Variants in MGAT5 observed in about 807,000 individuals in gnomAD.
MGAT5 encodes alpha-1,6-mannosylglycoprotein 6-beta-N-acetylglucosaminyltransferase A.
Under a neutral mutation model 94.3 loss-of-function variants are expected in MGAT5, and 30 were observed. The ratio of observed to expected loss-of-function variants is 0.32; its 90% CI spans 0.24 to 0.43. The LOEUF (loss-of-function observed/expected upper bound fraction) is 0.43, where lower values mean the gene tolerates loss of function less well. Ranked by LOEUF, MGAT5 falls within the 20% of genes least tolerant of loss-of-function variation. The pLI, the probability that MGAT5 is intolerant of heterozygous loss-of-function variation, is 1.00. For synonymous variants in MGAT5, 310 were observed against 322.9 expected, an observed-to-expected ratio of 0.96 and a Z score of 0.43; for missense variants, 691 against 905.5, an observed-to-expected ratio of 0.76 and a Z score of 3.04.
intron 10 of MGAT5, among the ~76,000 whole-genome samples, chr2:134,402,253 C>T (rs554879420): frequency 2.0e-5 from 3 of 152,310 alleles, no homozygotes; most frequent in South Asian, 2.1e-4. Context: ...ATTTAGAAAA[C>T]GTGCCTCAAA....
intron 4 of MGAT5, among the ~76,000 whole-genome samples, chr2:134,333,287 A>C (rs1226890394): frequency 2.0e-5 from 3 of 151,946 alleles, no homozygotes; most frequent in Admixed American, 6.6e-5. Flanking sequence ...CTTTGTAGGG[A>C]CATGGATGAA....
chr2:134,263,885 C>T (rs568221373), intron 1 of MGAT5, among the ~76,000 whole-genome samples: 17 of 151,180 alleles, frequency 1.1e-4, no homozygotes, highest in Non-Finnish European at 2.4e-4. Context: ...GCAGATCTTA[C>T]CAGATAAAAT....
At chr2:134,379,881 C>A (rs78374190) in intron 10 of MGAT5, among the ~76,000 whole-genome samples, 2 of 152,158 alleles carry the variant, frequency 1.3e-5, no homozygotes, top group African/African-American at 4.8e-5. Flanking sequence ...GTTCTTGTGG[C>A]GAAAGGATTA....
chr2:134,135,690 C>CAAAAAAA (rs59026836), intron 1 of MGAT5, among the ~76,000 whole-genome samples: 4 of 41,704 alleles, frequency 9.6e-5, no homozygotes, highest in African/African-American at 1.2e-4. Context: ...GACTCCATCT[C>CAAAAAAA]AAAAAAAAAA....
chr2:134,373,793 G>C lies in MGAT5; in HGVS notation c.1380+11385G>C, dbSNP rs148629433. On this transcript the variant is annotated intron_variant, in intron 10 of 15. Coordinates refer to ENST00000281923, the MANE Select transcript of MGAT5 (RefSeq NM_002410.5). ...AGTCCAGGCATGGAGAGACAGTCAA[G>C]GGCACTGCCACCCTCCCAACTCGAT... 3.1e-3 allele frequency among the ~76,000 whole-genome samples: 474 copies of C among 152,308 alleles called. 3 individuals are homozygous for C. The highest frequency in any genetic ancestry group is 0.01 in the African/African-American group (436 of 41,586).
intron 1 of MGAT5, among the ~76,000 whole-genome samples, chr2:134,197,840 G>A (rs1482984504): frequency 6.6e-6 from 1 of 152,106 alleles, no homozygotes; most frequent in Non-Finnish European, 1.5e-5. Flanking sequence ...TGTATGCCCT[G>A]AAATAAAGGA....
chr2:134,317,243 C>T (rs979383548), intron 2 of MGAT5, among the ~76,000 whole-genome samples: 3 of 152,216 alleles, frequency 2.0e-5, no homozygotes, highest in Admixed American at 6.5e-5. Context: ...TTCCCTATTG[C>T]TGATTTCTAA....
At chr2:134,432,390 G>T (rs1029237299) in intron 14 of MGAT5, among the ~76,000 whole-genome samples, 4 of 152,188 alleles carry the variant, frequency 2.6e-5, no homozygotes, top group Non-Finnish European at 2.9e-5. Flanking sequence ...ATCAGCTGAA[G>T]GTCCTAGGAT....
intron 1 of MGAT5, among the ~76,000 whole-genome samples, chr2:134,178,149 G>T (rs1688567073): frequency 6.6e-6 from 1 of 151,924 alleles, no homozygotes; most frequent in Non-Finnish European, 1.5e-5. Flanking sequence ...GAGATTCTAG[G>T]CAGGAAACTT....
chr2:134,320,741 G>A (rs1439489384), intron 4 of MGAT5, among the ~76,000 whole-genome samples: 1 of 152,152 alleles, frequency 6.6e-6, no homozygotes, highest in Non-Finnish European at 1.5e-5. Context: ...TTCCTTTTGT[G>A]GGATTCAGAT....
At chr2:134,412,829 C>T (rs766477184) in intron 11 of MGAT5, 40 bp from the exon 12 acceptor site, 7 of 1,610,594 alleles carry the variant, frequency 4.3e-6, no homozygotes, top group Non-Finnish European at 5.1e-6. Flanking sequence ...GATGGTCCTG[C>T]CTGATGTGTT....
intron 10 of MGAT5, among the ~76,000 whole-genome samples, chr2:134,392,375 G>A (rs1235065874): frequency 6.6e-6 from 1 of 152,188 alleles, no homozygotes; most frequent in Non-Finnish European, 1.5e-5. Flanking sequence ...GAGAGATGGA[G>A]AGGATATTTT....
rs781172095 is a variant in MGAT5 at position 134,362,426 on chromosome 2, T to G, written c.1380+18T>G. On this transcript the variant is annotated intron_variant, in intron 10 of 15. Coordinates refer to ENST00000281923, the MANE Select transcript of MGAT5 (RefSeq NM_002410.5). The stretch of plus-strand genomic sequence containing the variant: ...TCTGGAAGGTGAGTCAGTCTGTGCG[T>G]GTCTCTCTCTCTGAAAAGAAGCTTG... The G allele has an allele frequency of 1.0e-5, 16 of 1,606,496 alleles. No homozygotes were observed. Among genetic ancestry groups the G allele is most frequent in the Non-Finnish European group, 1.4e-5 (16 of 1,177,536 alleles).
upstream of MGAT5, among the ~76,000 whole-genome samples, chr2:134,249,205 CT>C (rs1432968460): frequency 6.6e-6 from 1 of 151,552 alleles, no homozygotes; most frequent in East Asian, 1.9e-4. Flanking sequence ...TAGAGGTGGG[CT>C]TGCTTTCTTT....
chr2:134,271,983 G>T (rs1356605769), intron 2 of MGAT5, among the ~76,000 whole-genome samples: 1 of 152,192 alleles, frequency 6.6e-6, no homozygotes, highest in Non-Finnish European at 1.5e-5. Flanking sequence ...GGAGTGTTCT[G>T]CCTTTAACTT....
At chr2:134,201,003 C>T (rs1312354199) in intron 1 of MGAT5, among the ~76,000 whole-genome samples, 1 of 151,912 alleles carries the variant, frequency 6.6e-6, no homozygotes, top group Non-Finnish European at 1.5e-5. Context: ...CAGCCTTGAA[C>T]TCCTGGGCTC....
intron 5 of MGAT5, 142 bp from the exon 6 acceptor site, chr2:134,338,117 A>G (rs940597425): frequency 2.8e-5 from 19 of 669,552 alleles, no homozygotes; most frequent in Admixed American, 7.3e-5. Flanking sequence ...CTTAAAGTCA[A>G]AGCTGCAGCA....
rs780935369 is a variant in MGAT5, at chr2:134,454,072, C to T, written c.*5225C>T. On this transcript the variant is annotated 3_prime_UTR_variant, in exon 16 of 16. Transcript: ENST00000281923. ...CCCATCTGCAAAGCATCTCTGTAGC[C>T]CAGATTTTGTGGAGCCTTAAGACAC... 2.6e-5 allele frequency: 4 copies of T among 152,166 alleles called. No individual in the cohort carries two copies. The highest frequency in any genetic ancestry group is 5.9e-5 in the Non-Finnish European group (4 of 68,062). 9.4% of individuals were successfully genotyped at this position (152,166 alleles called of 1,614,324 possible). A position where few individuals can be genotyped will look rare whatever the true frequency, so the allele number is the denominator to read the frequency against.
intron 9 of MGAT5, among the ~76,000 whole-genome samples, chr2:134,350,740 A>G (rs1679329543): frequency 1.3e-5 from 2 of 152,238 alleles, no homozygotes; most frequent in Non-Finnish European, 2.9e-5. Flanking sequence ...AATTTATTTT[A>G]TAAGTCAGTA....
Sources: allele counts gnomAD v4.1 joint callset (sites outside exome capture counted in the v4.1 genomes callset), GRCh38; gene constraint gnomAD v4.1.1; transcripts MANE v1.5; gene names NCBI Gene and HGNC (gene_info 2026-07-23, HGNC 2026-07-21).